The following ENTR1 variants were observed in gnomAD, a reference collection of about 807,000 sequenced individuals.
The protein encoded by ENTR1 is endosome-associated-trafficking regulator 1.
A neutral mutation model predicts 47.9 loss-of-function variants in ENTR1; 47 were observed. That is an observed-to-expected ratio of 0.98 (90% CI 0.78 to 1.25). ENTR1 has a LOEUF of 1.25. Among genes scored for constraint, ENTR1 ranks in the 50% most tolerant of loss-of-function variants. The pLI is 0.00. For missense variants in ENTR1, 668 were observed against 570.5 expected, an observed-to-expected ratio of 1.17 and a Z score of -1.74; for synonymous variants, 290 against 245.8, an observed-to-expected ratio of 1.18 and a Z score of -1.68.
chr9:136,408,236 C>T (rs1834876383), intron 3 of ENTR1, among the ~76,000 whole-genome samples: 1 of 152,194 alleles, frequency 6.6e-6, no homozygotes, highest in Admixed American at 6.5e-5. Flanking sequence ...CACTCCACTG[C>T]ACACACCCAG....
intron 5 of ENTR1, chr9:136,406,824 T>G (rs1267684351): frequency 4.2e-6 from 1 of 235,836 alleles, no homozygotes; most frequent in Admixed American, 4.9e-5. Context: ...TAGGTGATTA[T>G]AATTTTTTAA....
chr9:136,404,114 G>A lies in ENTR1; in HGVS notation c.1149C>T (p.Asn383=), dbSNP rs768883392. The part of the protein sequence containing the change: ...QGASLTVVKQ[N]ADVALQNLRV... Reference sequence around the variant, plus strand: ...GGAGGTTCTGCAGGGCCACGTCGGCGTTCTGCTTCACCACGGTCAGGCTGG... The same window carrying A: ...GGAGGTTCTGCAGGGCCACGTCGGCATTCTGCTTCACCACGGTCAGGCTGG... Residue 383 remains asparagine (N), a synonymous_variant, in exon 9 of 10, where the codon AAC becomes AAT. Transcript: ENST00000357365. 2.1e-5 allele frequency: 34 copies of A among 1,613,312 alleles called. No individual in the cohort carries two copies. Among genetic ancestry groups the A allele is most frequent in the East Asian group, 4.5e-5 (2 of 44,898 alleles).
chr9:136,403,010 A>G, intron 9 of ENTR1, 123 bp from the exon 10 acceptor site: 2 of 230,628 alleles, frequency 8.7e-6, no homozygotes, highest in Admixed American at 1.1e-4. Flanking sequence ...GGGTAGGGAA[A>G]GGGGAGAGGT....
chr9:136,406,396 G>A (rs909911645), intron 5 of ENTR1, among the ~76,000 whole-genome samples: 1 of 151,974 alleles, frequency 6.6e-6, no homozygotes, highest in Admixed American at 6.6e-5. Flanking sequence ...TTGAACTCGG[G>A]AGGCGGAGGT....
At position 136,404,129 on chromosome 9, in the gene ENTR1, G is replaced by A. The variant is rs199604383; in HGVS notation, c.1134C>T (p.Thr378=). Residue 378 remains threonine, a synonymous_variant, in exon 9 of 10, where the codon ACC becomes ACT. Coordinates refer to ENST00000357365, the MANE Select transcript of ENTR1 (RefSeq NM_001039707.2). The part of the protein sequence containing the change: ...ALRCGQGASL[T]VVKQNADVAL... Reference sequence around the variant, plus strand: ...CCACGTCGGCGTTCTGCTTCACCACGGTCAGGCTGGCACCCTGGCCGCACC... The same window carrying A: ...CCACGTCGGCGTTCTGCTTCACCACAGTCAGGCTGGCACCCTGGCCGCACC... 85 of 1,613,238 alleles carry A rather than the reference G, an allele frequency of 5.3e-5. No individual in the cohort carries two copies. The highest frequency in any genetic ancestry group is 1.6e-4 in the Middle Eastern group (1 of 6,074).
chr9:136,406,721 C>T (rs1834782893), intron 5 of ENTR1, among the ~76,000 whole-genome samples: 1 of 152,098 alleles, frequency 6.6e-6, no homozygotes, highest in Admixed American at 6.5e-5. Context: ...AGGTGATCCA[C>T]CCACCTCGGC....
chr9:136,407,103 C>T lies in ENTR1; in HGVS notation c.819+42G>A, dbSNP rs149424791. The stretch of plus-strand genomic sequence containing the variant: ...CAGGTTCTCCCCGGGAGAAGCCGCT[C>T]GGACAGGCGCTGTGCCAGAGGGCGC... On this transcript the variant is annotated intron_variant, in intron 5 of 9. Coordinates refer to ENST00000357365, the MANE Select transcript of ENTR1 (RefSeq NM_001039707.2). 3.3e-3 allele frequency: 5,082 copies of T among 1,533,970 alleles called. 23 individuals carry two copies. Among genetic ancestry groups the T allele is most frequent in the South Asian group, 1.0e-2 (792 of 79,354 alleles).
Position 136,410,486 on chromosome 9 carries a change from C to T in ENTR1, c.-89G>A, listed in dbSNP as rs1835052768. 5.2e-6 allele frequency: 5 copies of T among 961,964 alleles called. No homozygotes were observed. The allele number at this position is 961,964 out of a possible 1,614,324, so 59.6% of individuals were successfully genotyped here. On this transcript the variant is annotated 5_prime_UTR_variant, in exon 1 of 10. Transcript: ENST00000357365. ...CCGCCCGTGCCGCGGCCCGCGTCGC[C>T]CGCCCCCGTCGCCCGCCCCCGTCGC...
At chr9:136,406,100 C>T in intron 5 of ENTR1, 122 bp from the exon 6 acceptor site, 1 of 551,866 alleles carries the variant, frequency 1.8e-6, no homozygotes, top group East Asian at 3.3e-5. Context: ...GCAGCATCCA[C>T]CTGCAGCCAC....
rs1488814271 is a variant in ENTR1 at position 136,404,661 on chromosome 9, C to G, written c.1038G>C (p.Val346=). The change falls in exon 8 of 10, where the codon GTG becomes GTC. Residue 346 remains valine (V), a synonymous_variant. Coordinates refer to ENST00000357365, the MANE Select transcript of ENTR1 (RefSeq NM_001039707.2). ...GCAAACTGATTTCCTGTTTTAGTTT[C>G]ACGACGTGGTTTTCTGCCTTTACAG... The part of the protein sequence containing the change: ...KRAVKAENHV[V]KLKQEISLLQ... 6 of 1,614,002 alleles carry G rather than the reference C, an allele frequency of 3.7e-6. No individual in the cohort carries two copies. Among genetic ancestry groups the G allele is most frequent in the Non-Finnish European group, 4.2e-6 (5 of 1,180,034 alleles).
At position 136,410,390 on chromosome 9, in the gene ENTR1, C is replaced by T. The variant is rs1329166607; in HGVS notation, c.8G>A (p.Gly3Asp). 4 of 1,395,228 alleles carry T rather than the reference C, an allele frequency of 2.9e-6. No individual in the cohort carries two copies. The highest frequency in any genetic ancestry group is 7.3e-5 in the Admixed American group (2 of 27,380). 86.4% of individuals were successfully genotyped at this position (1,395,228 alleles called of 1,614,324 possible). Reference protein sequence around the residue: MSGYQRRPGATPL... With the variant: MSDYQRRPGATPL... Reference sequence around the variant, plus strand: ...GGTGGCGCCCGGGCGGCGCTGGTAGCCCGACATCGCCGCCGGCCCGGCGGG... The same window carrying T: ...GGTGGCGCCCGGGCGGCGCTGGTAGTCCGACATCGCCGCCGGCCCGGCGGG... Residue 3 changes from glycine to aspartate, a missense_variant, in exon 1 of 10, where the codon GGC becomes GAC. Coordinates refer to ENST00000357365, the MANE Select transcript of ENTR1 (RefSeq NM_001039707.2).
chr9:136,410,293 C>T (rs1163992468), intron 1 of ENTR1, 35 bp downstream of exon 1: 17 of 1,550,886 alleles, frequency 1.1e-5, no homozygotes, highest in Non-Finnish European at 1.5e-5. Flanking sequence ...CCGCCGCCCA[C>T]CTGGACCGCT....
In ENTR1 at chr9:136,410,594, TG is replaced by T; in HGVS notation, c.-198del. ...ACCGAAAGCGCGTGCCTGAACGCCT[TG>T]GGCCGTCGGCGAGGGGGAGGGGAAG... On this transcript the variant is annotated 5_prime_UTR_variant, in exon 1 of 10. Coordinates refer to ENST00000357365, the MANE Select transcript of ENTR1 (RefSeq NM_001039707.2). 1 of 1,263,472 alleles carries T rather than the reference TG, an allele frequency of 7.9e-7. No individual in the cohort carries two copies. Among genetic ancestry groups the T allele is most frequent in the Non-Finnish European group, 1.0e-6 (1 of 993,768 alleles). 78.3% of individuals were successfully genotyped at this position (1,263,472 alleles called of 1,614,324 possible).
intron 9 of ENTR1, among the ~76,000 whole-genome samples, chr9:136,403,322 G>A (rs781362383): frequency 3.9e-5 from 2 of 51,550 alleles, no homozygotes; most frequent in African/African-American, 7.9e-5. Context: ...GGGGTTTGCC[G>A]GGGGGAGAAA....
At chr9:136,405,303 G>C in intron 6 of ENTR1, 101 bp from the exon 7 acceptor site, 1 of 898,272 alleles carries the variant, frequency 1.1e-6, no homozygotes, top group Non-Finnish European at 1.8e-6. Context: ...AAGAGCCTGT[G>C]ATGGAATGGG....
rs1045736527 is a variant in ENTR1, at chr9:136,402,151, AC to A, written c.*636del. The A allele has an allele frequency of 6.5e-6, 1 of 152,964 alleles. No homozygotes were observed. The highest frequency in any genetic ancestry group is 6.5e-5 in the Admixed American group (1 of 15,278). The allele number at this position is 152,964 out of a possible 1,614,324, so 9.5% of individuals were successfully genotyped here. ...GTACAAAATGCCACTTGAAACGTCC[AC>A]CAGAACCCCCAGCCAAAGAGGCACA... On this transcript the variant is annotated 3_prime_UTR_variant, in exon 10 of 10. Coordinates refer to ENST00000357365, the MANE Select transcript of ENTR1 (RefSeq NM_001039707.2).
At chr9:136,409,135 CT>C (rs1834938940) in intron 2 of ENTR1, 68 bp from the exon 3 acceptor site, 1 of 1,394,792 alleles carries the variant, frequency 7.2e-7, no homozygotes, top group Non-Finnish European at 1.0e-6. Context: ...TGGTTTTTTT[CT>C]TTTGCACATG....
Position 136,405,996 on chromosome 9 carries a change from C to A in ENTR1, c.820-18G>T. ...TCTTTCAGCTGTGGAGAGAGAACATCCTTATTAGAAAGTCAGCATGTCTGG... is the reference window on the plus strand; with the variant it reads ...TCTTTCAGCTGTGGAGAGAGAACATACTTATTAGAAAGTCAGCATGTCTGG... On this transcript the variant is annotated intron_variant, in intron 5 of 9. Transcript: ENST00000357365. The A allele has an allele frequency of 6.3e-7, 1 of 1,590,426 alleles. No homozygotes were observed. Among genetic ancestry groups the A allele is most frequent in the South Asian group, 1.1e-5 (1 of 87,472 alleles).
chr9:136,406,012 G>A (rs993781813), intron 5 of ENTR1, 34 bp from the exon 6 acceptor site: 37 of 1,532,808 alleles, frequency 2.4e-5, no homozygotes, highest in Non-Finnish European at 3.0e-5. Context: ...TAGAAAGTCA[G>A]CATGTCTGGC....
Sources: allele counts gnomAD v4.1 joint callset (sites outside exome capture counted in the v4.1 genomes callset), GRCh38; gene constraint gnomAD v4.1.1; transcripts MANE v1.5; gene names NCBI Gene and HGNC (gene_info 2026-07-23, HGNC 2026-07-21).